Variants in DAW1 observed in about 807,000 individuals in gnomAD.
DAW1 encodes the protein dynein assembly factor with WD repeats 1, also known as dynein assembly factor with WD repeat domains 1.
DAW1 carries 47 observed loss-of-function variants against 56.5 expected under a neutral mutation model. The observed-to-expected ratio is 0.83, with a 90% CI of 0.66 to 1.06. The LOEUF (loss-of-function observed/expected upper bound fraction) is 1.06. DAW1 is among the 50% of genes least tolerant of loss of function. DAW1 has a pLI of 0.00. For missense variants in DAW1, 505 were observed against 499.3 expected (o/e 1.01, Z -0.11); for synonymous variants, 190 against 179.0 (o/e 1.06, Z -0.49).
At chr2:227,922,267 T>C (rs1692127320) in intron 12 of DAW1, among the ~76,000 whole-genome samples, 1 of 152,232 alleles carries the variant, frequency 6.6e-6, no homozygotes, top group Non-Finnish European at 1.5e-5. Context: ...AGCAGAGTTG[T>C]TTTCTCCCCT....
chr2:227,882,422 C>CA (rs1691032234), intron 1 of DAW1, among the ~76,000 whole-genome samples: 1 of 152,186 alleles, frequency 6.6e-6, no homozygotes, highest in South Asian at 2.1e-4. Flanking sequence ...CACTGACACA[C>CA]ACTCACAATA....
chr2:227,890,892 C>T (rs1387745278), intron 3 of DAW1, among the ~76,000 whole-genome samples: 2 of 152,188 alleles, frequency 1.3e-5, no homozygotes, highest in African/African-American at 2.4e-5. Context: ...ATTCATTAAA[C>T]ATTCACTGTA....
At chr2:227,883,951 A>G (rs1691066673) in intron 1 of DAW1, among the ~76,000 whole-genome samples, 1 of 152,206 alleles carries the variant, frequency 6.6e-6, no homozygotes, top group Non-Finnish European at 1.5e-5. Flanking sequence ...ATAATTTTTA[A>G]GAGTGTAAGG....
intron 11 of DAW1, among the ~76,000 whole-genome samples, chr2:227,920,650 T>A (rs997768606): frequency 2.6e-5 from 4 of 152,100 alleles, no homozygotes; most frequent in African/African-American, 9.7e-5. Context: ...GTGTGCTTTT[T>A]AAAAAATTTT....
chr2:227,906,259 ATTG>A lies in DAW1; in HGVS notation c.781_783del (p.Cys261del), dbSNP rs751159550. 5.0e-6 allele frequency: 8 copies of A among 1,612,634 alleles called. No homozygotes were observed. The highest frequency in any genetic ancestry group is 1.6e-4 in the Middle Eastern group (1 of 6,078). On this transcript the variant is annotated inframe_deletion, in exon 9 of 13. Transcript: ENST00000309931. ...AGGAAGGTAAATATCTTAATTGGTC[ATTG>A]TGCTGAGATTAGCAGTGCCTCATTC...
At position 227,871,658 on chromosome 2, in the gene DAW1, A is replaced by G. The variant is rs1195186309; in HGVS notation, c.-32A>G. 2.5e-6 allele frequency: 4 copies of G among 1,610,796 alleles called. No individual in the cohort carries two copies. The highest frequency in any genetic ancestry group is 2.2e-5 in the East Asian group (1 of 44,794). ...TGTTTAGCCGTTTCCAAGGCTACGA[A>G]GCCCATCGGCCGGGGATAAGAGAGC... On this transcript the variant is annotated 5_prime_UTR_variant, in exon 1 of 13. Coordinates refer to ENST00000309931, the MANE Select transcript of DAW1 (RefSeq NM_178821.3).
At chr2:227,886,030 A>G (rs966888858) in intron 2 of DAW1, among the ~76,000 whole-genome samples, 2 of 141,250 alleles carry the variant, frequency 1.4e-5, no homozygotes, top group Admixed American at 1.5e-4. Flanking sequence ...TCTGGAGTGC[A>G]GTGGCTCGAT....
chr2:227,877,058 C>T (rs1188510621), intron 1 of DAW1, among the ~76,000 whole-genome samples: 8 of 152,124 alleles, frequency 5.3e-5, no homozygotes, highest in African/African-American at 1.9e-4. Context: ...AGGCTTCTTA[C>T]CTAAGTGTTT....
intron 10 of DAW1, among the ~76,000 whole-genome samples, chr2:227,917,028 C>G (rs533602215): frequency 6.6e-6 from 1 of 152,072 alleles, no homozygotes; most frequent in East Asian, 1.9e-4. Context: ...CACATTTGAC[C>G]CTACACTATG....
At chr2:227,920,154 A>C (rs1692070296) in intron 11 of DAW1, among the ~76,000 whole-genome samples, 1 of 152,198 alleles carries the variant, frequency 6.6e-6, no homozygotes, top group Admixed American at 6.5e-5. Flanking sequence ...TATTTTCATG[A>C]ATGAGTGAAT....
Position 227,893,878 on chromosome 2 carries a change from G to A in DAW1, c.401G>A (p.Arg134Lys). 6.2e-7 allele frequency: 1 copy of A among 1,613,764 alleles called. No homozygotes were observed. Among genetic ancestry groups the A allele is most frequent in the Admixed American group, 1.7e-5 (1 of 59,956 alleles). The change falls in exon 5 of 13, where the codon AGG (arginine) becomes AAG (lysine). Residue 134 changes from arginine (R) to lysine (K), a missense_variant. Physicochemically the swap from Arg to Lys is conservative, Grantham distance 26 (BLOSUM62 2). Coordinates refer to ENST00000309931, the MANE Select transcript of DAW1 (RefSeq NM_178821.3). ...GAGCTGAACACGCTGGAGGGCCACA[G>A]GAATGTGGTTTATGCCATAGCATTC... ...GEELNTLEGH[R>K]NVVYAIAFNN...
intron 2 of DAW1, among the ~76,000 whole-genome samples, chr2:227,885,670 G>T (rs1691111186): frequency 6.6e-6 from 1 of 151,930 alleles, no homozygotes. Flanking sequence ...AAACCTTTTA[G>T]TTTATGATTT....
chr2:227,894,922 G>A (rs887874624), intron 5 of DAW1, among the ~76,000 whole-genome samples: 1 of 152,188 alleles, frequency 6.6e-6, no homozygotes, highest in African/African-American at 2.4e-5. Flanking sequence ...AATTGTAATT[G>A]TGTAACATAA....
At chr2:227,915,094 C>A (rs1407808635) in intron 10 of DAW1, among the ~76,000 whole-genome samples, 1 of 151,998 alleles carries the variant, frequency 6.6e-6, no homozygotes, top group African/African-American at 2.4e-5. Context: ...CATATGGTGC[C>A]ACACTCTGTC....
chr2:227,898,572 G>A (rs913226173), intron 6 of DAW1, among the ~76,000 whole-genome samples: 2 of 151,948 alleles, frequency 1.3e-5, no homozygotes, highest in African/African-American at 4.8e-5. Context: ...CACCCGCCTC[G>A]GCCTCCCAAA....
Position 227,893,683 on chromosome 2 carries a change from C to A in DAW1, c.318-112C>A, listed in dbSNP as rs148041205. ...CGAGACTCCCTCTTAAACAAACAAACAAACAAACAAACAGCATAATAAATA... is the reference window on the plus strand; with the variant it reads ...CGAGACTCCCTCTTAAACAAACAAAAAAACAAACAAACAGCATAATAAATA... On this transcript the variant is annotated intron_variant, in intron 4 of 12. Transcript: ENST00000309931. The A allele has an allele frequency of 3.0e-4, 431 of 1,460,064 alleles. 2 individuals are homozygous for A. In the African/African-American group the frequency reaches 5.2e-3, roughly 17 times the overall value. The allele number at this position is 1,460,064 out of a possible 1,614,324, so 90.4% of individuals were successfully genotyped here.
chr2:227,907,566 G>T (rs1482301082), intron 10 of DAW1, among the ~76,000 whole-genome samples: 1 of 151,854 alleles, frequency 6.6e-6, no homozygotes, highest in African/African-American at 2.4e-5. Context: ...TTATTATTTT[G>T]AGATGGAGTC....
chr2:227,877,501 C>T (rs1048130181), intron 1 of DAW1, among the ~76,000 whole-genome samples: 1 of 152,174 alleles, frequency 6.6e-6, no homozygotes, highest in Non-Finnish European at 1.5e-5. Flanking sequence ...CAGCCTTTTG[C>T]TCATATTGGA....
chr2:227,897,611 C>T (rs1691442537), intron 5 of DAW1, among the ~76,000 whole-genome samples: 1 of 152,144 alleles, frequency 6.6e-6, no homozygotes. Context: ...GTTAGCTCTG[C>T]CCCGCAGTCA....
Sources: gnomAD v4.1 joint callset for allele counts (sites outside exome capture counted in the v4.1 genomes callset) on GRCh38, gnomAD v4.1.1 for gene constraint, MANE v1.5 for transcripts, NCBI Gene and HGNC (gene_info 2026-07-23, HGNC 2026-07-21) for gene names.